The following TCF12 variants were observed in gnomAD, a reference collection of about 807,000 sequenced individuals.
TCF12 encodes the protein DNA-binding protein HTF4.
Under a neutral mutation model 86.0 loss-of-function variants are expected in TCF12, and 45 were observed. The ratio of observed to expected loss-of-function variants is 0.52; its 90% CI spans 0.41 to 0.67. The LOEUF (loss-of-function observed/expected upper bound fraction) is 0.67, where lower values mean the gene tolerates loss of function less well. Ranked by LOEUF, TCF12 falls within the 30% of genes least tolerant of loss-of-function variation. TCF12 has a pLI of 0.00. For missense variants in TCF12, 881 were observed against 859.9 expected, an observed-to-expected ratio of 1.02 and a Z score of -0.31; for synonymous variants, 330 against 299.6, an observed-to-expected ratio of 1.10 and a Z score of -1.05.
chr15:57,238,022 T>C (rs1164512766), intron 12 of TCF12, among the ~76,000 whole-genome samples: 6 of 152,192 alleles, frequency 3.9e-5, no homozygotes, highest in Admixed American at 2.6e-4. Context: ...TTAGGAAAAG[T>C]ATTGATAACA....
At chr15:57,038,816 A>G (rs2066691571) in intron 3 of TCF12, among the ~76,000 whole-genome samples, 1 of 152,182 alleles carries the variant, frequency 6.6e-6, no homozygotes, top group Admixed American at 6.5e-5. Context: ...TTCCAAGTAT[A>G]TTGTAGACAT....
At chr15:57,231,875 T>G (rs910674600) in intron 9 of TCF12, among the ~76,000 whole-genome samples, 6 of 152,216 alleles carry the variant, frequency 3.9e-5, no homozygotes, top group African/African-American at 1.4e-4. Context: ...AGTTTTACTA[T>G]TAGAAAAACT....
At chr15:57,279,773 G>A (rs1315756172) in intron 19 of TCF12, among the ~76,000 whole-genome samples, 2 of 151,248 alleles carry the variant, frequency 1.3e-5, no homozygotes, top group East Asian at 3.9e-4. Context: ...CCTTTTTTCA[G>A]TTGGAAAATT....
At chr15:56,978,323 GACAAA>G (rs1386024183) in intron 3 of TCF12, among the ~76,000 whole-genome samples, 3 of 152,102 alleles carry the variant, frequency 2.0e-5, no homozygotes, top group Non-Finnish European at 4.4e-5. Context: ...TAGTTATCCA[GACAAA>G]ACAATAAATT....
chr15:57,197,173 T>TTTTTTTTTTTTTTTTA (rs60620441), intron 7 of TCF12, among the ~76,000 whole-genome samples: 2 of 148,484 alleles, frequency 1.3e-5, no homozygotes, highest in South Asian at 2.2e-4. Context: ...TTTTTTTTTT[T>TTTTTTTTTTTTTTTTA]GAGACAGAGG....
chr15:57,010,175 C>A (rs991739443), intron 3 of TCF12, among the ~76,000 whole-genome samples: 1 of 152,080 alleles, frequency 6.6e-6, no homozygotes, highest in South Asian at 2.1e-4. Context: ...TTTAAAAAAA[C>A]TCCTTAACTA....
intron 3 of TCF12, among the ~76,000 whole-genome samples, chr15:57,038,141 A>G (rs543991427): frequency 6.6e-6 from 1 of 152,248 alleles, no homozygotes; most frequent in Non-Finnish European, 1.5e-5. Context: ...GCAAGCTCTC[A>G]ATAATAGAAA....
chr15:57,177,638 G>GAGAGAGAGAGAGAGAGAGAGAGAGAGA (rs2056039089), intron 6 of TCF12, among the ~76,000 whole-genome samples: 8 of 151,106 alleles, frequency 5.3e-5, no homozygotes, highest in Admixed American at 1.3e-4. Context: ...GAGAGAGAGA[G>GAGAGAGAGAGAGAGAGAGAGAGAGAGA]TTGGATTAGG....
intron 3 of TCF12, among the ~76,000 whole-genome samples, chr15:56,994,189 G>C (rs2063586827): frequency 1.3e-5 from 2 of 152,102 alleles, no homozygotes; most frequent in Admixed American, 1.3e-4. Context: ...TTTTAAATCT[G>C]AACATTAGAG....
intron 6 of TCF12, among the ~76,000 whole-genome samples, chr15:57,175,639 G>GAATTATTAGA (rs2055857400): frequency 6.6e-6 from 1 of 152,158 alleles, no homozygotes; most frequent in Admixed American, 6.5e-5. Flanking sequence ...GTCTTGGGCA[G>GAATTATTAGA]AATTATTAGA....
At chr15:57,027,966 C>CT (rs1322410891) in intron 3 of TCF12, among the ~76,000 whole-genome samples, 49 of 149,712 alleles carry the variant, frequency 3.3e-4, no homozygotes, top group Middle Eastern at 3.5e-3. Flanking sequence ...ACCTATGTTT[C>CT]TTTTTTTTTT....
chr15:57,247,146 C>T (rs577522442), intron 13 of TCF12: 87 of 558,148 alleles, frequency 1.6e-4, no homozygotes, highest in African/African-American at 1.3e-3. Flanking sequence ...TTCACTCCAC[C>T]GTCACTCCAC....
chr15:56,976,397 AT>A (rs55909585), intron 3 of TCF12, among the ~76,000 whole-genome samples: 113 of 146,622 alleles, frequency 7.7e-4, no homozygotes, highest in African/African-American at 1.6e-3. Flanking sequence ...CGCCTGGCTA[AT>A]TTTTTTTTTT....
intron 3 of TCF12, among the ~76,000 whole-genome samples, chr15:56,945,735 AT>A (rs2060966140): frequency 6.6e-6 from 1 of 152,178 alleles, no homozygotes; most frequent in Non-Finnish European, 1.5e-5. Flanking sequence ...TCACATTGAA[AT>A]TTAATTGCCA....
chr15:57,065,092 A>G lies in TCF12; in HGVS notation c.222+1269A>G, dbSNP rs200354702. Reference sequence around the variant, plus strand: ...TCTGGCTGTAGCCCATGTTTAATTTATTTTAAATCCTTTGGAAAGAACTGG... The same window carrying G: ...TCTGGCTGTAGCCCATGTTTAATTTGTTTTAAATCCTTTGGAAAGAACTGG... On this transcript the variant is annotated intron_variant, in intron 4 of 20. Transcript: ENST00000333725. 2.6e-5 allele frequency among the ~76,000 whole-genome samples: 4 copies of G among 152,168 alleles called. No individual in the cohort carries two copies. The East Asian group carries it at 7.7e-4, about 29-fold the overall frequency.
At chr15:57,058,567 A>G (rs934321146) in intron 3 of TCF12, among the ~76,000 whole-genome samples, 7 of 152,160 alleles carry the variant, frequency 4.6e-5, no homozygotes, top group Admixed American at 2.0e-4. Context: ...TTTCCACCGG[A>G]CTTACTTTCT....
At chr15:56,954,605 A>C (rs1044803267) in intron 3 of TCF12, among the ~76,000 whole-genome samples, 12 of 152,228 alleles carry the variant, frequency 7.9e-5, no homozygotes, top group Admixed American at 6.5e-4. Context: ...TCTGCACGGC[A>C]AAAGAAACTA....
rs190654408 is a variant in TCF12 at position 56,925,915 on chromosome 15, A to T, written c.148+4817A>T. ...GTCTGCTTTGTTAAATAGTTGTGCC[A>T]TAAGTATCTCATTTTTATCAGTTAA... On this transcript the variant is annotated intron_variant, in intron 3 of 20. Transcript: ENST00000333725. Among the ~76,000 whole-genome samples the T allele has an allele frequency of 7.9e-4, 121 of 152,378 alleles. 2 individuals carry two copies. The highest frequency in any genetic ancestry group is 2.8e-3 in the African/African-American group (116 of 41,596).
chr15:57,110,519 A>G (rs2050415821), intron 5 of TCF12, among the ~76,000 whole-genome samples: 1 of 152,210 alleles, frequency 6.6e-6, no homozygotes, highest in East Asian at 1.9e-4. Context: ...GTGCTCATTA[A>G]TTATTTTCTC....
Sources: gnomAD v4.1 joint callset for allele counts (sites outside exome capture counted in the v4.1 genomes callset) on GRCh38, gnomAD v4.1.1 for gene constraint, MANE v1.5 for transcripts, NCBI Gene and HGNC (gene_info 2026-07-23, HGNC 2026-07-21) for gene names.